ZBTB16: variants seen among roughly 807,000 people sequenced by gnomAD.
ZBTB16 encodes the protein zinc finger and BTB domain-containing protein 16.
A neutral mutation model predicts 56.8 loss-of-function variants in ZBTB16; 8 were observed. That is an observed-to-expected ratio of 0.14 (90% CI 0.08 to 0.25). The LOEUF (loss-of-function observed/expected upper bound fraction) is 0.25. ZBTB16 is among the 10% of genes least tolerant of loss of function. ZBTB16 has a pLI of 1.00. For synonymous variants in ZBTB16, 363 were observed against 368.5 expected, an observed-to-expected ratio of 0.98 and a Z score of 0.17; for missense variants, 625 against 903.0, an observed-to-expected ratio of 0.69 and a Z score of 3.95.
At chr11:114,230,422 T>C (rs1944415695) in intron 4 of ZBTB16, among the ~76,000 whole-genome samples, 1 of 152,162 alleles carries the variant, frequency 6.6e-6, no homozygotes, top group Non-Finnish European at 1.5e-5. Flanking sequence ...CTTCTGAATG[T>C]CCTGCAGAAT....
Position 114,198,418 on chromosome 11 carries a change from G to A in ZBTB16, c.1453+11380G>A, listed in dbSNP as rs890396804. The stretch of plus-strand genomic sequence containing the variant: ...TTATTTTCCAAGCACAGGGGCTCTC[G>A]GCTGTGCTGGAGCTGCTTGCTGTAG... On this transcript the variant is annotated intron_variant, in intron 4 of 6. Transcript: ENST00000335953. Among the ~76,000 whole-genome samples the A allele has an allele frequency of 5.3e-5, 8 of 152,198 alleles. No individual in the cohort carries two copies. The South Asian group carries it at 1.0e-3, about 20-fold the overall frequency.
chr11:114,087,939 A>G (rs1466753408), intron 2 of ZBTB16, among the ~76,000 whole-genome samples: 1 of 152,130 alleles, frequency 6.6e-6, no homozygotes, highest in Non-Finnish European at 1.5e-5. Flanking sequence ...GCTGTTGAGT[A>G]AACTCTTATG....
intron 2 of ZBTB16, among the ~76,000 whole-genome samples, chr11:114,148,395 C>CCTCCTT (rs1231811157): frequency 3.9e-5 from 1 of 25,416 alleles, no homozygotes; most frequent in African/African-American, 1.6e-4. Context: ...CTTCCTCCTT[C>CCTCCTT]CCTCCCTCCC....
chr11:114,156,221 GT>G, intron 2 of ZBTB16, 115 bp from the exon 3 acceptor site: 2 of 974,102 alleles, frequency 2.1e-6, no homozygotes, highest in South Asian at 1.4e-5. Context: ...GTGCCCTCCT[GT>G]TCCCTTCCGC....
At chr11:114,213,246 G>C (rs937759476) in intron 4 of ZBTB16, among the ~76,000 whole-genome samples, 1 of 152,160 alleles carries the variant, frequency 6.6e-6, no homozygotes, top group African/African-American at 2.4e-5. Context: ...ATTGAACCAA[G>C]GTGGACACTG....
intron 2 of ZBTB16, among the ~76,000 whole-genome samples, chr11:114,080,144 C>T (rs1171187779): frequency 6.6e-6 from 1 of 152,140 alleles, no homozygotes; most frequent in Non-Finnish European, 1.5e-5. Context: ...AGTTTGAATT[C>T]TGACTCTGCC....
chr11:114,246,496 G>A (rs900153980), intron 5 of ZBTB16, among the ~76,000 whole-genome samples: 3 of 152,128 alleles, frequency 2.0e-5, no homozygotes, highest in African/African-American at 7.2e-5. Context: ...AGGAAATGTA[G>A]CCCATTTTAA....
intron 2 of ZBTB16, among the ~76,000 whole-genome samples, chr11:114,151,178 C>A (rs764089406): frequency 5.9e-5 from 9 of 152,090 alleles, no homozygotes; most frequent in Non-Finnish European, 1.3e-4. Flanking sequence ...CCCAAAGCAT[C>A]GGGGTGACTT....
intron 5 of ZBTB16, chr11:114,246,870 C>A: frequency 2.7e-6 from 1 of 371,738 alleles, no homozygotes; most frequent in Non-Finnish European, 5.1e-6. Context: ...AAGAGGTCAT[C>A]TGAGAAGCAA....
intron 2 of ZBTB16, among the ~76,000 whole-genome samples, chr11:114,069,959 A>G (rs549061650): frequency 7.9e-5 from 12 of 152,088 alleles, no homozygotes; most frequent in Non-Finnish European, 1.3e-4. Context: ...ATCTGAACTG[A>G]TGTGAGGCTA....
At position 114,064,187 on chromosome 11, in the gene ZBTB16, A is replaced by G. The variant is rs752467707; in HGVS notation, c.887A>G (p.His296Arg). The change falls in exon 2 of 7, where the codon CAC (histidine) becomes CGC (arginine). Residue 296 changes from histidine to arginine, a missense_variant. His to Arg is a conservative substitution (Grantham distance 29). Transcript: ENST00000335953. This position sits in a 1 kb window ranked among gnomAD's most constrained non-coding sequence, Gnocchi z 4.2. ...SSVITSAREL[H>R]YGREESAEQV... ...GTCATCACCAGTGCTAGGGAGCTAC[A>G]CTATGGGCGAGAGGAGAGTGCCGAG... The G allele has an allele frequency of 6.2e-7, 1 of 1,613,776 alleles. No individual in the cohort carries two copies. The highest frequency in any genetic ancestry group is 2.2e-5 in the East Asian group (1 of 44,884).
At position 114,059,766 on chromosome 11, in the gene ZBTB16, T is replaced by C. The variant is rs1321492771; in HGVS notation, c.-207T>C. The C allele has an allele frequency of 2.0e-5, 8 of 398,270 alleles. No homozygotes were observed. The highest frequency in any genetic ancestry group is 3.1e-5 in the Non-Finnish European group (7 of 225,962). 24.7% of individuals were successfully genotyped at this position (398,270 alleles called of 1,614,324 possible). A position where few individuals can be genotyped will look rare whatever the true frequency, so the allele number is the denominator to read the frequency against. Reference sequence around the variant, plus strand: ...GGTACTGCGAACTGCCGGGCGATGCTGTCGCTGCCGCCGTGATACGGAGAG... The same window carrying C: ...GGTACTGCGAACTGCCGGGCGATGCCGTCGCTGCCGCCGTGATACGGAGAG... On this transcript the variant is annotated 5_prime_UTR_variant, in exon 1 of 7. Transcript: ENST00000335953. The surrounding 1 kb of genome is among the most constrained non-coding windows in gnomAD (Gnocchi z 5.3).
At chr11:114,232,637 C>T (rs960451045) in intron 4 of ZBTB16, among the ~76,000 whole-genome samples, 2 of 152,224 alleles carry the variant, frequency 1.3e-5, no homozygotes, top group African/African-American at 2.4e-5. Context: ...TAGGCTTGCT[C>T]TGCAGAGCTG....
intron 2 of ZBTB16, among the ~76,000 whole-genome samples, chr11:114,086,775 T>A (rs1354168342): frequency 6.6e-6 from 1 of 152,250 alleles, no homozygotes; most frequent in Non-Finnish European, 1.5e-5. Context: ...TCCTCAACTC[T>A]GTTGATGCTG....
chr11:114,106,747 TAC>T (rs1265049731), intron 2 of ZBTB16, among the ~76,000 whole-genome samples: 1 of 152,224 alleles, frequency 6.6e-6, no homozygotes, highest in Non-Finnish European at 1.5e-5. Context: ...GTGCCGGGGT[TAC>T]AGGCATGAGC....
At chr11:114,124,584 C>CAA (rs80355363) in intron 2 of ZBTB16, among the ~76,000 whole-genome samples, 4 of 133,864 alleles carry the variant, frequency 3.0e-5, no homozygotes, top group Non-Finnish European at 5.0e-5. Context: ...AAAAACAAAA[C>CAA]AAAAAAAACC....
chr11:114,186,914 C>G, intron 3 of ZBTB16, 38 bp from the exon 4 acceptor site: 1 of 1,600,166 alleles, frequency 6.2e-7, no homozygotes, highest in Non-Finnish European at 8.6e-7. Flanking sequence ...CACCAGTGGA[C>G]TATTGCTCTA....
At chr11:114,120,306 G>A (rs1052172539) in intron 2 of ZBTB16, among the ~76,000 whole-genome samples, 5 of 152,178 alleles carry the variant, frequency 3.3e-5, no homozygotes, top group African/African-American at 1.2e-4. Context: ...GTTATGGGAT[G>A]AATGGGGACA....
Position 114,247,015 on chromosome 11 carries a change from T to C in ZBTB16, c.1625-183T>C, listed in dbSNP as rs1944828986. ...ATCATGGGGCCACAGTAAAGTATGG[T>C]CATGTGTGAAGACAGGTATTGCTTG... On this transcript the variant is annotated intron_variant, in intron 5 of 6. Transcript: ENST00000335953. 3 of 715,818 alleles carry C rather than the reference T, an allele frequency of 4.2e-6. 1 individual carries two copies. The highest frequency in any genetic ancestry group is 3.4e-5 in the South Asian group (2 of 58,962). 44.3% of individuals were successfully genotyped at this position (715,818 alleles called of 1,614,324 possible).
Sources: allele counts gnomAD v4.1 joint callset (sites outside exome capture counted in the v4.1 genomes callset), GRCh38; gene constraint gnomAD v4.1.1; non-coding constraint Gnocchi (gnomAD v3.1); transcripts MANE v1.5; gene names NCBI Gene and HGNC (gene_info 2026-07-23, HGNC 2026-07-21).